Variants in RNF150 observed in about 807,000 individuals in gnomAD.
RNF150 encodes ring finger protein 150.
A neutral mutation model predicts 39.3 loss-of-function variants in RNF150; 24 were observed. That is an observed-to-expected ratio of 0.61 (90% CI 0.44 to 0.86). The LOEUF is 0.86. Among genes scored for constraint, RNF150 ranks in the 40% least tolerant of loss-of-function variants. The pLI, the probability that RNF150 is intolerant of heterozygous loss-of-function variation, is 0.00. For synonymous variants in RNF150, 255 were observed against 227.3 expected (o/e 1.12, Z -1.10); for missense variants, 502 against 587.8 (o/e 0.85, Z 1.51).
intron 6 of RNF150, among the ~76,000 whole-genome samples, chr4:140,904,034 C>T (rs1240335204): frequency 6.6e-6 from 1 of 152,134 alleles, no homozygotes; most frequent in Admixed American, 6.5e-5. Flanking sequence ...TGCGGAAAAC[C>T]CTGTGGATCG....
At chr4:141,149,481 A>T (rs1467643594) in intron 1 of RNF150, among the ~76,000 whole-genome samples, 3 of 152,154 alleles carry the variant, frequency 2.0e-5, no homozygotes, top group African/African-American at 7.2e-5. Flanking sequence ...GTGAGAACAT[A>T]TGATGTTTGG....
chr4:140,976,009 C>T (rs974786773), intron 1 of RNF150, among the ~76,000 whole-genome samples: 2 of 152,138 alleles, frequency 1.3e-5, no homozygotes, highest in African/African-American at 4.8e-5. Flanking sequence ...TTAACAAATT[C>T]CCTAACAGCC....
At chr4:141,123,696 C>T (rs555742184) in intron 1 of RNF150, among the ~76,000 whole-genome samples, 1 of 152,248 alleles carries the variant, frequency 6.6e-6, no homozygotes, top group South Asian at 2.1e-4. Flanking sequence ...TGCTATCCCT[C>T]CCCCACCGCC....
chr4:141,000,338 A>G (rs73858694), intron 1 of RNF150, among the ~76,000 whole-genome samples: 11,532 of 152,242 alleles, frequency 0.076, 497 homozygotes, highest in Middle Eastern at 0.16. Context: ...CACAAATTTC[A>G]TAAATATATT....
chr4:141,086,053 C>T (rs1398503389), intron 1 of RNF150, among the ~76,000 whole-genome samples: 1 of 151,692 alleles, frequency 6.6e-6, no homozygotes, highest in Non-Finnish European at 1.5e-5. Flanking sequence ...CACACACACA[C>T]ACACACACAC....
At chr4:141,165,285 C>G (rs1392648609) in intron 1 of RNF150, among the ~76,000 whole-genome samples, 1 of 152,134 alleles carries the variant, frequency 6.6e-6, no homozygotes, top group Non-Finnish European at 1.5e-5. Flanking sequence ...CAGGAGCACC[C>G]AGATTCATAA....
At chr4:141,157,773 A>G (rs1163153562) in intron 1 of RNF150, among the ~76,000 whole-genome samples, 3 of 152,198 alleles carry the variant, frequency 2.0e-5, no homozygotes, top group Non-Finnish European at 4.4e-5. Flanking sequence ...ACTGCCACAT[A>G]TAGAAACAAG....
In RNF150 at chr4:140,863,442, G is replaced by A. The variant is rs7655676; in HGVS notation, c.*4819C>T. ...AGTAAACAGGTTTGCCTCATCAGAAGTGAATATGGATATTGCTACACAATA... is the reference window on the plus strand; with the variant it reads ...AGTAAACAGGTTTGCCTCATCAGAAATGAATATGGATATTGCTACACAATA... On this transcript the variant is annotated 3_prime_UTR_variant, in exon 7 of 7. Coordinates refer to ENST00000515673, the MANE Select transcript of RNF150 (RefSeq NM_020724.2). 70,132 of 151,968 alleles carry A rather than the reference G, an allele frequency of 0.46. 19,079 individuals are homozygous for A. The highest frequency in any genetic ancestry group is 0.63 in the Non-Finnish European group (42,517 of 67,940). The allele number at this position is 151,968 out of a possible 1,614,324, so 9.4% of individuals were successfully genotyped here. A position where few individuals can be genotyped will look rare whatever the true frequency, so the allele number is the denominator to read the frequency against.
intron 1 of RNF150, among the ~76,000 whole-genome samples, chr4:141,102,148 T>C (rs919899092): frequency 6.6e-6 from 1 of 152,212 alleles, no homozygotes; most frequent in African/African-American, 2.4e-5. Context: ...AATGTCGTTA[T>C]GTGGCATATG....
At chr4:141,034,503 C>T (rs1346482341) in intron 1 of RNF150, among the ~76,000 whole-genome samples, 2 of 152,130 alleles carry the variant, frequency 1.3e-5, no homozygotes, top group Non-Finnish European at 2.9e-5. Flanking sequence ...AGAACTTTCC[C>T]CTTGCATTCA....
Position 140,955,129 on chromosome 4 carries a change from A to G in RNF150, c.736-5757T>C, listed in dbSNP as rs150272293. The stretch of plus-strand genomic sequence containing the variant: ...ACGTTTTCTTCGTGCACTCTAATAC[A>G]TAATAATGATCCTTCCAGGACTGGT... On this transcript the variant is annotated intron_variant, in intron 2 of 6. Coordinates refer to ENST00000515673, the MANE Select transcript of RNF150 (RefSeq NM_020724.2). 2.5e-3 allele frequency among the ~76,000 whole-genome samples: 374 copies of G among 152,354 alleles called. 1 individual carries two copies. The highest frequency in any genetic ancestry group is 8.8e-3 in the African/African-American group (367 of 41,596).
intron 1 of RNF150, among the ~76,000 whole-genome samples, chr4:141,044,771 G>GCGCACACACACACACACACA (rs1553940748): frequency 4.1e-5 from 6 of 146,582 alleles, no homozygotes; most frequent in African/African-American, 1.3e-4. Context: ...GGTGTGCAGC[G>GCGCACACACACACACACACA]CACACACACA....
intron 1 of RNF150, among the ~76,000 whole-genome samples, chr4:141,153,462 C>T (rs1359543367): frequency 6.6e-6 from 1 of 152,018 alleles, no homozygotes; most frequent in East Asian, 1.9e-4. Flanking sequence ...AGGGGAGGGG[C>T]CTCAGAAGAA....
At position 141,146,988 on chromosome 4, in the gene RNF150, G is replaced by A. The variant is rs147123114; in HGVS notation, c.-6+65806C>T. Among the ~76,000 whole-genome samples, 261 of 152,268 alleles carry A rather than the reference G, an allele frequency of 1.7e-3. 1 individual carries two copies. Among genetic ancestry groups the A allele is most frequent in the African/African-American group, 6.0e-3 (250 of 41,546 alleles). The stretch of plus-strand genomic sequence containing the variant: ...CTTTTGTTTTTGTTTATGAGACAGT[G>A]TCTTGCTCTGTCACCCAGGCTGAAG... On this transcript the variant is annotated intron_variant, in intron 1 of 7. Coordinates refer to the RNF150 transcript ENST00000420921.
chr4:141,110,339 T>G (rs991272225), intron 1 of RNF150, among the ~76,000 whole-genome samples: 1 of 152,124 alleles, frequency 6.6e-6, no homozygotes, highest in Non-Finnish European at 1.5e-5. Context: ...ACTGCTCTTC[T>G]CTTTGTTTTG....
intron 1 of RNF150, among the ~76,000 whole-genome samples, chr4:141,097,500 CT>C (rs542158937): frequency 0.045 from 6,776 of 151,162 alleles, 204 homozygotes; most frequent in South Asian, 0.075. Flanking sequence ...TAATTGGTGA[CT>C]TTTTTTTTCT....
chr4:140,899,548 GTGTGTGTGTGCA>G lies in RNF150; in HGVS notation c.1198+11584_1198+11595del, dbSNP rs746311673. ...AGGCTGGAGATTGGTGGTGGTGGTG[GTGTGTGTGTGCA>G]TGTGTGTATGCATGTGTATGTGTGT... On this transcript the variant is annotated intron_variant, in intron 6 of 6. Transcript: ENST00000515673. Among the ~76,000 whole-genome samples the G allele has an allele frequency of 1.4e-4, 21 of 152,180 alleles. 2 individuals are homozygous for G. Among genetic ancestry groups the G allele is most frequent in the South Asian group, 1.2e-3 (6 of 4,824 alleles).
chr4:141,052,085 T>A (rs1736798567), intron 1 of RNF150, among the ~76,000 whole-genome samples: 2 of 152,234 alleles, frequency 1.3e-5, no homozygotes, highest in African/African-American at 2.4e-5. Flanking sequence ...TCAGATCTCA[T>A]GAGACTCATT....
At chr4:141,189,813 A>T (rs1300012168) in intron 1 of RNF150, among the ~76,000 whole-genome samples, 4 of 152,198 alleles carry the variant, frequency 2.6e-5, no homozygotes, top group Non-Finnish European at 5.9e-5. Flanking sequence ...ATTTCATGCC[A>T]GTGGATCTTA....
Sources: gnomAD v4.1 joint callset for allele counts (sites outside exome capture counted in the v4.1 genomes callset) on GRCh38, gnomAD v4.1.1 for gene constraint, MANE v1.5 for transcripts, NCBI Gene and HGNC (gene_info 2026-07-23, HGNC 2026-07-21) for gene names.